CSMD1: variants seen among roughly 807,000 people sequenced by gnomAD.
The protein encoded by CSMD1 is CUB and sushi domain-containing protein 1.
A neutral mutation model predicts 417.5 loss-of-function variants in CSMD1; 213 were observed. The observed-to-expected ratio is 0.51, with a 90% CI of 0.46 to 0.57. CSMD1 has a LOEUF of 0.57. Ranked by LOEUF, CSMD1 falls within the 20% of genes least tolerant of loss-of-function variation. CSMD1 has a pLI of 0.00. For missense variants in CSMD1, 6,923 were observed against 4,529.7 expected (o/e 1.53, Z -15.17); for synonymous variants, 2,862 against 1,736.8 (o/e 1.65, Z -16.11).
intron 3 of CSMD1, among the ~76,000 whole-genome samples, chr8:4,230,698 T>C (rs949616408): frequency 2.0e-4 from 31 of 152,310 alleles, no homozygotes; most frequent in African/African-American, 6.7e-4. Context: ...TAATAGTAAT[T>C]TTCCTAGACC....
At chr8:4,718,454 G>C (rs1466435851) in intron 1 of CSMD1, among the ~76,000 whole-genome samples, 2 of 151,960 alleles carry the variant, frequency 1.3e-5, no homozygotes, top group African/African-American at 4.8e-5. Context: ...TGAAATCTTA[G>C]AAACATCACT....
intron 11 of CSMD1, among the ~76,000 whole-genome samples, chr8:3,475,694 C>T (rs1292815964): frequency 6.6e-6 from 1 of 152,194 alleles, no homozygotes; most frequent in Non-Finnish European, 1.5e-5. Context: ...TGTCTGGTTG[C>T]AGTCAGTATC....
At chr8:4,394,988 A>G (rs949634485) in intron 3 of CSMD1, among the ~76,000 whole-genome samples, 1 of 152,194 alleles carries the variant, frequency 6.6e-6, no homozygotes, top group African/African-American at 2.4e-5. Context: ...AAGAAAGGGA[A>G]GAGGCACAGC....
intron 1 of CSMD1, among the ~76,000 whole-genome samples, chr8:4,737,969 T>C (rs1486401044): frequency 6.6e-6 from 1 of 152,206 alleles, no homozygotes; most frequent in East Asian, 1.9e-4. Context: ...GGTAACAGCC[T>C]GCCATTGAAG....
intron 3 of CSMD1, among the ~76,000 whole-genome samples, chr8:4,274,743 C>T (rs1796378470): frequency 6.6e-6 from 1 of 152,090 alleles, no homozygotes; most frequent in Admixed American, 6.6e-5. Context: ...TCTAAACTGC[C>T]TTGTGATCAG....
At chr8:3,852,581 T>G (rs1166416186) in intron 5 of CSMD1, among the ~76,000 whole-genome samples, 2 of 152,124 alleles carry the variant, frequency 1.3e-5, no homozygotes, top group Non-Finnish European at 2.9e-5. Context: ...AGTAGAGGAC[T>G]TACTCGTGTC....
At chr8:4,595,486 C>T (rs766347974) in intron 2 of CSMD1, among the ~76,000 whole-genome samples, 2 of 151,822 alleles carry the variant, frequency 1.3e-5, no homozygotes, top group African/African-American at 2.4e-5. Context: ...CTTTGGAGTC[C>T]TCTCAAATGG....
intron 5 of CSMD1, among the ~76,000 whole-genome samples, chr8:3,764,785 T>G (rs1166492707): frequency 6.7e-6 from 1 of 150,114 alleles, no homozygotes; most frequent in Non-Finnish European, 1.5e-5. Flanking sequence ...CTCACTCTGT[T>G]GCCTAGGCTG....
intron 3 of CSMD1, among the ~76,000 whole-genome samples, chr8:4,175,966 G>A (rs900081291): frequency 1.3e-5 from 2 of 152,118 alleles, no homozygotes; most frequent in African/African-American, 4.8e-5. Context: ...GGGCAGCTGG[G>A]CTTCTCTCAT....
chr8:4,354,371 T>G (rs1443713414), intron 3 of CSMD1, among the ~76,000 whole-genome samples: 1 of 152,222 alleles, frequency 6.6e-6, no homozygotes, highest in African/African-American at 2.4e-5. Flanking sequence ...TTCACAAACC[T>G]GGTCATTTCG....
chr8:3,487,126 A>G (rs962386499), intron 11 of CSMD1, among the ~76,000 whole-genome samples: 3 of 152,214 alleles, frequency 2.0e-5, no homozygotes, highest in South Asian at 2.1e-4. Flanking sequence ...AGCATTATAC[A>G]GAAATGACTT....
At chr8:4,001,515 G>A (rs1229796909) in intron 4 of CSMD1, among the ~76,000 whole-genome samples, 4 of 152,136 alleles carry the variant, frequency 2.6e-5, no homozygotes, top group Non-Finnish European at 5.9e-5. Context: ...CCACCCCTGA[G>A]TACCAACCCT....
intron 3 of CSMD1, among the ~76,000 whole-genome samples, chr8:4,126,137 G>C (rs182431484): frequency 6.6e-6 from 1 of 151,826 alleles, no homozygotes; most frequent in East Asian, 1.9e-4. Context: ...TCTTCAACCT[G>C]ACCAGTCAGC....
chr8:3,588,900 A>G (rs1800717617), intron 8 of CSMD1, among the ~76,000 whole-genome samples: 1 of 152,056 alleles, frequency 6.6e-6, no homozygotes, highest in Non-Finnish European at 1.5e-5. Context: ...CAAATCACCC[A>G]TGTAACATAT....
intron 3 of CSMD1, among the ~76,000 whole-genome samples, chr8:4,122,395 A>C (rs1164113244): frequency 6.6e-6 from 1 of 152,226 alleles, no homozygotes; most frequent in East Asian, 1.9e-4. Flanking sequence ...GCTGTACACC[A>C]ACATGATCCC....
chr8:4,208,963 G>A (rs1800140987), intron 3 of CSMD1, among the ~76,000 whole-genome samples: 1 of 152,180 alleles, frequency 6.6e-6, no homozygotes, highest in South Asian at 2.1e-4. Flanking sequence ...ACGCAATTTA[G>A]AGCTGAAAAA....
intron 2 of CSMD1, among the ~76,000 whole-genome samples, chr8:4,568,520 T>C (rs1027554692): frequency 1.6e-4 from 24 of 152,196 alleles, no homozygotes; most frequent in African/African-American, 5.8e-4. Flanking sequence ...CAGTCTATCA[T>C]TGATGGGCAT....
intron 1 of CSMD1, among the ~76,000 whole-genome samples, chr8:4,750,629 G>A (rs987826109): frequency 6.6e-6 from 1 of 151,804 alleles, no homozygotes; most frequent in Non-Finnish European, 1.5e-5. Flanking sequence ...GAATACCAAG[G>A]ACATACACAT....
chr8:3,367,441 C>T (rs926194083), intron 19 of CSMD1, among the ~76,000 whole-genome samples, 194 bp from the exon 20 acceptor site: 15 of 150,042 alleles, frequency 1.0e-4, no homozygotes, highest in Non-Finnish European at 1.9e-4. Flanking sequence ...AGAGATGAGA[C>T]AGAGATGGAG....
Sources: allele counts gnomAD v4.1 joint callset (sites outside exome capture counted in the v4.1 genomes callset), GRCh38; gene constraint gnomAD v4.1.1; transcripts MANE v1.5; gene names NCBI Gene and HGNC (gene_info 2026-07-23, HGNC 2026-07-21).